TENM3: variants seen among roughly 807,000 people sequenced by gnomAD.
TENM3 encodes teneurin transmembrane protein 3.
Under a neutral mutation model 255.1 loss-of-function variants are expected in TENM3, and 63 were observed. That is an observed-to-expected ratio of 0.25 (90% CI 0.20 to 0.30). The LOEUF is 0.30. TENM3 is among the 10% of genes least tolerant of loss of function. TENM3 has a pLI of 1.00. For missense variants in TENM3, 2,929 were observed against 3,461.1 expected (o/e 0.85, Z 3.86); for synonymous variants, 1,306 against 1,322.3 (o/e 0.99, Z 0.27).
chr4:182,221,016 A>G (rs753543097), intron 1 of TENM3, among the ~76,000 whole-genome samples: 1 of 152,206 alleles, frequency 6.6e-6, no homozygotes, highest in Non-Finnish European at 1.5e-5. Context: ...ATGAAGATTT[A>G]TGTATGTCAA....
At chr4:182,185,777 C>T (rs994749753) in intron 1 of TENM3, among the ~76,000 whole-genome samples, 2 of 152,310 alleles carry the variant, frequency 1.3e-5, no homozygotes, top group African/African-American at 4.8e-5. Context: ...TCTGTTGAAT[C>T]GATTCACTGA....
At chr4:181,989,013 CT>C in the TENM3 span, among the ~76,000 whole-genome samples, 1 of 152,026 alleles carries the variant, frequency 6.6e-6, no homozygotes, top group African/African-American at 2.4e-5. Flanking sequence ...CTTCTTAATT[CT>C]ACTGTAGTAG....
the TENM3 span, among the ~76,000 whole-genome samples, chr4:181,642,280 T>G: frequency 6.6e-6 from 1 of 152,144 alleles, no homozygotes; most frequent in East Asian, 1.9e-4. Flanking sequence ...TTTCAAGAAG[T>G]GTCTGTTCAT....
intron 3 of TENM3, among the ~76,000 whole-genome samples, chr4:182,357,745 G>T (rs991043517): frequency 1.9e-4 from 28 of 149,230 alleles, no homozygotes; most frequent in East Asian, 4.0e-4. Context: ...GTCAATTTTG[G>T]CTTTTGTTGC....
At chr4:181,556,439 T>C in the TENM3 span, among the ~76,000 whole-genome samples, 1 of 152,178 alleles carries the variant, frequency 6.6e-6, no homozygotes, top group East Asian at 1.9e-4. Flanking sequence ...CAATAATTTA[T>C]AAACTTTAAT....
the TENM3 span, among the ~76,000 whole-genome samples, chr4:182,125,004 G>C: frequency 7.9e-6 from 1 of 127,058 alleles, no homozygotes; most frequent in African/African-American, 3.0e-5. Context: ...TGTGCTACTC[G>C]CCCCTGCTGG....
chr4:182,638,371 G>A (rs754042151), intron 5 of TENM3, among the ~76,000 whole-genome samples: 3 of 151,996 alleles, frequency 2.0e-5, no homozygotes, highest in Non-Finnish European at 4.4e-5. Flanking sequence ...ATCCTACATC[G>A]CAAAAGCTGT....
At chr4:182,045,407 A>G in the TENM3 span, among the ~76,000 whole-genome samples, 1 of 151,930 alleles carries the variant, frequency 6.6e-6, no homozygotes, top group Admixed American at 6.6e-5. Context: ...AAAAAAAAAA[A>G]AAAAGATTAA....
At chr4:181,815,818 C>T in the TENM3 span, among the ~76,000 whole-genome samples, 1 of 152,156 alleles carries the variant, frequency 6.6e-6, no homozygotes, top group Non-Finnish European at 1.5e-5. Context: ...GTCTCATGGC[C>T]AAAAGTAAGT....
At chr4:182,226,066 T>G (rs1332844843) in intron 1 of TENM3, among the ~76,000 whole-genome samples, 1 of 152,202 alleles carries the variant, frequency 6.6e-6, no homozygotes, top group Non-Finnish European at 1.5e-5. Flanking sequence ...TTTGTGAGTT[T>G]TCTTATTCCA....
the TENM3 span, among the ~76,000 whole-genome samples, chr4:181,562,553 C>T: frequency 6.6e-6 from 1 of 152,104 alleles, no homozygotes; most frequent in African/African-American, 2.4e-5. Context: ...CATGTTGCTT[C>T]TCTATTTTAG....
intron 1 of TENM3, among the ~76,000 whole-genome samples, chr4:182,250,999 G>T (rs1757975326): frequency 6.6e-6 from 1 of 152,230 alleles, no homozygotes; most frequent in African/African-American, 2.4e-5. Context: ...TAAACAGTGA[G>T]AGATTTGCCC....
At chr4:181,628,956 C>T in the TENM3 span, among the ~76,000 whole-genome samples, 2 of 152,120 alleles carry the variant, frequency 1.3e-5, no homozygotes. Context: ...ATTGATTCTT[C>T]CTACCCATGA....
At chr4:182,410,968 C>A (rs1580448978) in intron 3 of TENM3, among the ~76,000 whole-genome samples, 1 of 152,206 alleles carries the variant, frequency 6.6e-6, no homozygotes, top group African/African-American at 2.4e-5. Flanking sequence ...CATATATCAT[C>A]ATTTTTAATT....
At chr4:182,414,186 A>T (rs2151097119) in intron 3 of TENM3, among the ~76,000 whole-genome samples, 1 of 152,220 alleles carries the variant, frequency 6.6e-6, no homozygotes, top group Non-Finnish European at 1.5e-5. Context: ...TAACATTTTC[A>T]TTTTTGCTGT....
At chr4:181,591,743 T>G in the TENM3 span, among the ~76,000 whole-genome samples, 1 of 152,168 alleles carries the variant, frequency 6.6e-6, no homozygotes, top group Non-Finnish European at 1.5e-5. Context: ...ACACTCAATA[T>G]GATAATCTAA....
At chr4:182,653,639 G>A (rs917327378) in intron 5 of TENM3, 132 bp from the exon 6 acceptor site, 23 of 941,352 alleles carry the variant, frequency 2.4e-5, no homozygotes, top group Middle Eastern at 2.3e-4. Context: ...TTTTCATTGC[G>A]CAGTTATCCT....
At chr4:181,554,694 A>G in the TENM3 span, among the ~76,000 whole-genome samples, 1 of 152,228 alleles carries the variant, frequency 6.6e-6, no homozygotes, top group African/African-American at 2.4e-5. Context: ...TGAGAGGAGA[A>G]TGTTTGATGC....
At chr4:181,803,944 AAAAAAAAAAG>A in the TENM3 span, among the ~76,000 whole-genome samples, 1 of 135,258 alleles carries the variant, frequency 7.4e-6, no homozygotes, top group African/African-American at 2.6e-5. Flanking sequence ...CTCAACAAAA[AAAAAAAAAAG>A]AAAGAAAGAA....
Sources: allele counts gnomAD v4.1 joint callset (sites outside exome capture counted in the v4.1 genomes callset), GRCh38; gene constraint gnomAD v4.1.1; transcripts MANE v1.5; gene names NCBI Gene and HGNC (gene_info 2026-07-23, HGNC 2026-07-21).